Variants in FREM2 observed in about 807,000 individuals in gnomAD.
FREM2 encodes FRAS1 related extracellular matrix 2, also known as FRAS1-related extracellular matrix protein 2.
A neutral mutation model predicts 219.9 loss-of-function variants in FREM2; 119 were observed. That is an observed-to-expected ratio of 0.54 (90% confidence interval 0.47 to 0.63). The LOEUF (loss-of-function observed/expected upper bound fraction) is 0.63, where lower values mean the gene tolerates loss of function less well. Ranked by LOEUF, FREM2 falls within the 30% of genes least tolerant of loss-of-function variation. The probability of loss-of-function intolerance (pLI) is 0.00; values close to 1 mark genes in which losing one functional copy is unlikely to be tolerated. For missense variants in FREM2, 4,030 were observed against 3,993.6 expected (o/e 1.01, Z -0.25); for synonymous variants, 1,562 against 1,522.8 (o/e 1.03, Z -0.60).
At chr13:38,817,273 A>C (rs553419645) in intron 6 of FREM2, among the ~76,000 whole-genome samples, 1 of 152,280 alleles carries the variant, frequency 6.6e-6, no homozygotes, top group South Asian at 2.1e-4. Flanking sequence ...TGCAAAAAGA[A>C]CAAAGCTGGA....
At chr13:38,796,874 T>C (rs1306037065) in intron 6 of FREM2, among the ~76,000 whole-genome samples, 1 of 152,102 alleles carries the variant, frequency 6.6e-6, no homozygotes, top group African/African-American at 2.4e-5. Context: ...TGTTTGTTTC[T>C]GTTTTTGTTT....
chr13:38,807,808 T>C (rs1875309515), intron 6 of FREM2, among the ~76,000 whole-genome samples: 1 of 151,950 alleles, frequency 6.6e-6, no homozygotes, highest in Non-Finnish European at 1.5e-5. Context: ...GAATAATTCT[T>C]AAATTACCTA....
intron 6 of FREM2, among the ~76,000 whole-genome samples, chr13:38,799,160 T>C (rs1486478237): frequency 6.6e-6 from 1 of 151,976 alleles, no homozygotes; most frequent in East Asian, 1.9e-4. Context: ...ATCACACAAT[T>C]TATGTATTTT....
Position 38,877,203 on chromosome 13 carries a change from C to T in FREM2, c.8631C>T (p.Ser2877=), listed in dbSNP as rs758484155. 1 of 1,614,050 alleles carries T rather than the reference C, an allele frequency of 6.2e-7. No individual in the cohort carries two copies. The highest frequency in any genetic ancestry group is 8.5e-7 in the Non-Finnish European group (1 of 1,179,934). The change falls in exon 21 of 24, where the codon TCC becomes TCT. Residue 2877 remains serine (S), a synonymous_variant. Transcript: ENST00000280481. ...SKKSLWLSDG[S]MGFGQESDVA... ...AGAGTCTCTGGTTGTCTGATGGATC[C>T]ATGGGATTCGGGCAAGAGAGTGATG...
At chr13:38,843,914 A>G (rs1165987232) in intron 6 of FREM2, among the ~76,000 whole-genome samples, 1 of 151,890 alleles carries the variant, frequency 6.6e-6, no homozygotes, top group African/African-American at 2.4e-5. Context: ...TATGGAAACT[A>G]CTGAATGTGT....
In FREM2 at chr13:38,688,807, G is replaced by A. The variant is rs146258429; in HGVS notation, c.1463G>A (p.Arg488Gln). The stretch of plus-strand genomic sequence containing the variant: ...CGGCTAGAGGTGGTGGCTGGGCTCC[G>A]GCATGGTCACCTTGTCATTCTGGGT... Reference protein sequence around the residue: ...AVRLEVVAGLRHGHLVILGAS... With the variant: ...AVRLEVVAGLQHGHLVILGAS... Residue 488 changes from arginine to glutamine, a missense_variant, in exon 1 of 24, where the codon CGG (arginine) becomes CAG (glutamine). By Grantham distance (43) the Arg-to-Gln change is conservative. Coordinates refer to ENST00000280481, the MANE Select transcript of FREM2 (RefSeq NM_207361.6). 160 of 1,613,830 alleles carry A rather than the reference G, an allele frequency of 9.9e-5. No homozygotes were observed. The highest frequency in any genetic ancestry group is 1.2e-4 in the Non-Finnish European group (142 of 1,180,032).
Position 38,848,551 on chromosome 13 carries a change from T to G in FREM2, c.6260T>G (p.Leu2087Arg). ...QPVRVVILDDLGQPALEGIEK... is the reference protein window; with the variant it reads ...QPVRVVILDDRGQPALEGIEK... ...GTTCGTGTTGTCATTCTGGATGACCTTGGACAACCAGCGCTGGAGGGAATT... is the reference window on the plus strand; with the variant it reads ...GTTCGTGTTGTCATTCTGGATGACCGTGGACAACCAGCGCTGGAGGGAATT... Residue 2087 changes from leucine to arginine, a missense_variant, in exon 8 of 24, where the codon CTT becomes CGT. By Grantham distance (102) the Leu-to-Arg change is moderately radical (BLOSUM62 -2). Around this residue, in one of 2 missense-constraint regions of FREM2, gnomAD observed 3,102 missense variants for 2,950.7 expected, o/e 1.05. Transcript: ENST00000280481. 6.2e-7 allele frequency: 1 copy of G among 1,614,016 alleles called. No individual in the cohort carries two copies. Among genetic ancestry groups the G allele is most frequent in the East Asian group, 2.2e-5 (1 of 44,872 alleles).
intron 2 of FREM2, among the ~76,000 whole-genome samples, chr13:38,717,259 A>G (rs972900804): frequency 7.9e-5 from 12 of 152,118 alleles, no homozygotes; most frequent in African/African-American, 2.9e-4. Flanking sequence ...TTCCTAGAAA[A>G]ACAGAAAACA....
chr13:38,767,285 C>T (rs1873474339), intron 3 of FREM2, among the ~76,000 whole-genome samples: 1 of 152,196 alleles, frequency 6.6e-6, no homozygotes, highest in African/African-American at 2.4e-5. Flanking sequence ...GATCCAATTG[C>T]AGTTTCATTT....
At chr13:38,711,112 A>G (rs1375358575) in intron 2 of FREM2, among the ~76,000 whole-genome samples, 1 of 152,114 alleles carries the variant, frequency 6.6e-6, no homozygotes, top group Non-Finnish European at 1.5e-5. Flanking sequence ...TATGTTCTGG[A>G]TGCTGTTGAG....
In FREM2 at chr13:38,851,833, C is replaced by A. The variant is rs1877383012; in HGVS notation, c.6890C>A (p.Ala2297Asp). The change falls in exon 11 of 24, where the codon GCC (alanine) becomes GAC (aspartate). Residue 2297 changes from alanine (A) to aspartate (D), a missense_variant. Ala to Asp is a moderately radical substitution (Grantham distance 126, BLOSUM62 -2). Around this residue, in one of 2 missense-constraint regions of FREM2, gnomAD observed 3,102 missense variants for 2,950.7 expected, o/e 1.05. Coordinates refer to ENST00000280481, the MANE Select transcript of FREM2 (RefSeq NM_207361.6). ...IVRVHTKDGSATSGEDYHPVS... is the reference protein window; with the variant it reads ...IVRVHTKDGSDTSGEDYHPVS... ...AGAGTCCACACCAAGGATGGCTCGGCCACCTCTGGAGAAGACTACCACCCT... is the reference window on the plus strand; with the variant it reads ...AGAGTCCACACCAAGGATGGCTCGGACACCTCTGGAGAAGACTACCACCCT... 4 of 1,613,786 alleles carry A rather than the reference C, an allele frequency of 2.5e-6. No homozygotes were observed. Among genetic ancestry groups the A allele is most frequent in the African/African-American group, 1.3e-5 (1 of 74,902 alleles).
In FREM2 at chr13:38,811,904, A is replaced by G. The variant is rs568238096; in HGVS notation, c.6019+27096A>G. 4.7e-4 allele frequency among the ~76,000 whole-genome samples: 72 copies of G among 152,298 alleles called. 1 individual carries two copies. Among genetic ancestry groups the G allele is most frequent in the Admixed American group, 3.8e-3 (58 of 15,290 alleles). On this transcript the variant is annotated intron_variant, in intron 6 of 23. Transcript: ENST00000280481. ...CTGAATGTGAAGACTTGAAGTCTCT[A>G]GCTGTTATTGCATTGGGCTCCATCT...
At chr13:38,703,065 G>A (rs569436526) in intron 2 of FREM2, among the ~76,000 whole-genome samples, 39 of 152,138 alleles carry the variant, frequency 2.6e-4, no homozygotes, top group Non-Finnish European at 5.3e-4. Context: ...TTGTTATTCC[G>A]TATTTGATGA....
At chr13:38,735,071 T>C (rs1871935333) in intron 2 of FREM2, among the ~76,000 whole-genome samples, 1 of 152,154 alleles carries the variant, frequency 6.6e-6, no homozygotes, top group Admixed American at 6.6e-5. Context: ...TAGAAATCTC[T>C]TTAATGTTTG....
At chr13:38,828,420 A>G (rs1593432308) in intron 6 of FREM2, among the ~76,000 whole-genome samples, 1 of 152,288 alleles carries the variant, frequency 6.6e-6, no homozygotes, top group South Asian at 2.1e-4. Context: ...ACATAAGAAT[A>G]CATAATGGCC....
Position 38,689,956 on chromosome 13 carries a change from C to T in FREM2, c.2612C>T (p.Ala871Val). 5.0e-6 allele frequency: 8 copies of T among 1,614,130 alleles called. No homozygotes were observed. Among genetic ancestry groups the T allele is most frequent in the East Asian group, 4.5e-5 (2 of 44,862 alleles). The part of the protein sequence containing the change: ...VAHISFTLTQ[A>V]PKHGHMRVSG... ...CATATCTCTTTCACTCTCACTCAGGCACCCAAACATGGCCACATGAGAGTG... is the reference window on the plus strand; with the variant it reads ...CATATCTCTTTCACTCTCACTCAGGTACCCAAACATGGCCACATGAGAGTG... The change falls in exon 1 of 24, where the codon GCA (alanine) becomes GTA (valine). Residue 871 changes from alanine (A) to valine (V), a missense_variant. Physicochemically the swap from Ala to Val is moderately conservative, Grantham distance 64. Around this residue, in one of 2 missense-constraint regions of FREM2, gnomAD observed 3,102 missense variants for 2,950.7 expected, o/e 1.05. Transcript: ENST00000280481.
intron 6 of FREM2, among the ~76,000 whole-genome samples, chr13:38,791,389 A>C (rs945352778): frequency 1.3e-5 from 2 of 152,148 alleles, no homozygotes; most frequent in African/African-American, 4.8e-5. Context: ...CACCATCCCT[A>C]AAAGTGCATG....
chr13:38,877,003 C>T (rs981869463), intron 20 of FREM2, 114 bp from the exon 21 acceptor site: 78 of 1,233,570 alleles, frequency 6.3e-5, no homozygotes, highest in Non-Finnish European at 8.6e-5. Flanking sequence ...GTGAAAATTG[C>T]GATGCAGTGT....
At chr13:38,773,833 T>C (rs917988991) in intron 4 of FREM2, among the ~76,000 whole-genome samples, 9 of 152,146 alleles carry the variant, frequency 5.9e-5, no homozygotes, top group Non-Finnish European at 1.3e-4. Context: ...AATAGAGCTT[T>C]GAAAACTTAC....
Sources: allele counts gnomAD v4.1 joint callset (sites outside exome capture counted in the v4.1 genomes callset), GRCh38; gene constraint gnomAD v4.1.1; regional missense constraint gnomAD v4.1.1; transcripts MANE v1.5; gene names NCBI Gene and HGNC (gene_info 2026-07-23, HGNC 2026-07-21).